PCDHA8: variants seen among roughly 807,000 people sequenced by gnomAD.
PCDHA8 encodes the protein protocadherin alpha 8, also known as protocadherin alpha-8.
In PCDHA8, 53 loss-of-function variants were observed where a neutral mutation model predicts 61.8. The observed-to-expected ratio is 0.86, with a 90% CI of 0.69 to 1.08. The LOEUF (loss-of-function observed/expected upper bound fraction) is 1.08. Among genes scored for constraint, PCDHA8 ranks in the 50% least tolerant of loss-of-function variants. The probability of loss-of-function intolerance (pLI) is 0.00; values close to 1 mark genes in which losing one functional copy is unlikely to be tolerated. For synonymous variants in PCDHA8, 618 were observed against 556.6 expected (o/e 1.11, Z -1.55); for missense variants, 1,293 against 1,245.0 (o/e 1.04, Z -0.58).
intron 1 of PCDHA8, chr5:140,926,866 G>C: frequency 6.6e-7 from 1 of 1,524,204 alleles, no homozygotes; most frequent in Non-Finnish European, 8.8e-7. Flanking sequence ...GTAGCGTGTT[G>C]GTGGAACGTG....
At chr5:140,978,799 A>C (rs2096824173) in intron 1 of PCDHA8, 150 bp from the exon 2 acceptor site, 2 of 1,479,066 alleles carry the variant, frequency 1.4e-6, no homozygotes, top group East Asian at 4.9e-5. Flanking sequence ...ATATATGTAG[A>C]TATCATCATA....
At chr5:140,950,127 GAC>G (rs1554219301) in intron 1 of PCDHA8, among the ~76,000 whole-genome samples, 2 of 151,794 alleles carry the variant, frequency 1.3e-5, no homozygotes, top group Non-Finnish European at 2.9e-5. Context: ...AAACCCACAA[GAC>G]ACAGTTATAA....
intron 1 of PCDHA8, among the ~76,000 whole-genome samples, chr5:140,952,538 T>C (rs558395294): frequency 6.6e-6 from 1 of 152,256 alleles, no homozygotes; most frequent in South Asian, 2.1e-4. Flanking sequence ...AGACTGGACT[T>C]CTTTGTCCAT....
intron 1 of PCDHA8, among the ~76,000 whole-genome samples, chr5:140,874,852 A>C (rs2153316930): frequency 6.6e-6 from 1 of 152,334 alleles, no homozygotes; most frequent in African/African-American, 2.4e-5. Context: ...GACATATTTT[A>C]GTTTCTTATC....
chr5:140,946,611 A>AATATATATATAT lies in PCDHA8; in HGVS notation c.2395-32328_2395-32317dup, dbSNP rs1554217734. 3.4e-3 allele frequency among the ~76,000 whole-genome samples: 291 copies of AATATATATATAT among 86,770 alleles called. 7 individuals carry two copies. The highest frequency in any genetic ancestry group is 4.0e-3 in the Non-Finnish European group (186 of 46,640). 56.9% of individuals were successfully genotyped at this position (86,770 alleles called of 152,430 possible). A position where few individuals can be genotyped will look rare whatever the true frequency, so the allele number is the denominator to read the frequency against. On this transcript the variant is annotated intron_variant, in intron 1 of 3. Coordinates refer to ENST00000531613, the MANE Select transcript of PCDHA8 (RefSeq NM_018911.3). ...GGATGAATAGATAAAGAAAATGTGA[A>AATATATATATAT]ATATATATATATATATATATACAAT...
At chr5:140,967,086 G>C in intron 1 of PCDHA8, 3 of 1,613,210 alleles carry the variant, frequency 1.9e-6, no homozygotes, top group Non-Finnish European at 2.5e-6. Context: ...CGCATTGATC[G>C]GGAGGCGCTG....
Position 140,842,580 on chromosome 5 carries a change from C to T in PCDHA8, c.1259C>T (p.Ala420Val), listed in dbSNP as rs1778108515. The change falls in exon 1 of 4, where the codon GCC becomes GTC. Residue 420 changes from alanine to valine, a missense_variant. Coordinates refer to ENST00000531613, the MANE Select transcript of PCDHA8 (RefSeq NM_018911.3). Reference protein sequence around the residue: ...DSALDRERVSAYELVVTARDG... With the variant: ...DSALDRERVSVYELVVTARDG... ...GCCCTGGACCGCGAGAGAGTGTCGG[C>T]CTATGAGTTGGTGGTAACCGCGCGG... The T allele has an allele frequency of 1.3e-6, 2 of 1,517,648 alleles. No homozygotes were observed. Among genetic ancestry groups the T allele is most frequent in the African/African-American group, 2.9e-5 (2 of 68,354 alleles). 94.0% of individuals were successfully genotyped at this position (1,517,648 alleles called of 1,614,324 possible).
At chr5:140,961,617 C>A (rs781986571) in intron 1 of PCDHA8, among the ~76,000 whole-genome samples, 47 of 152,204 alleles carry the variant, frequency 3.1e-4, no homozygotes, top group Middle Eastern at 3.4e-3. Context: ...AACTAAAGTG[C>A]CCATATGAAA....
At chr5:140,907,915 C>T (rs1554193177) in intron 1 of PCDHA8, among the ~76,000 whole-genome samples, 1 of 152,234 alleles carries the variant, frequency 6.6e-6, no homozygotes, top group Admixed American at 6.5e-5. Context: ...TTTGACCACT[C>T]AGAGAGGTCC....
chr5:140,848,527 G>A (rs1379026024), intron 1 of PCDHA8: 2 of 1,594,382 alleles, frequency 1.3e-6, no homozygotes, highest in Admixed American at 1.7e-5. Context: ...GATCCAGAGG[G>A]TCAGCCTCTA....
chr5:140,869,373 C>T (rs782224697), intron 1 of PCDHA8: 5 of 1,613,984 alleles, frequency 3.1e-6, no homozygotes, highest in African/African-American at 2.7e-5. Flanking sequence ...ATTCTCGGAT[C>T]GACCGCGAGG....
At chr5:140,921,992 C>T (rs963694302) in intron 1 of PCDHA8, among the ~76,000 whole-genome samples, 1 of 151,726 alleles carries the variant, frequency 6.6e-6, no homozygotes, top group East Asian at 1.9e-4. Context: ...AAAAAGAGTT[C>T]AATGAAATGA....
chr5:140,965,260 G>A (rs1188138728), intron 1 of PCDHA8, among the ~76,000 whole-genome samples: 1 of 152,202 alleles, frequency 6.6e-6, no homozygotes, highest in Non-Finnish European at 1.5e-5. Context: ...GAACTGAGCA[G>A]CAGAGGCAAT....
At chr5:140,903,313 C>G (rs974760383) in intron 1 of PCDHA8, among the ~76,000 whole-genome samples, 2 of 152,088 alleles carry the variant, frequency 1.3e-5, no homozygotes, top group South Asian at 4.1e-4. Context: ...ACAATAAAGA[C>G]AGCATTTTTA....
At chr5:140,870,369 G>A (rs375892305) in intron 1 of PCDHA8, 117 of 1,614,088 alleles carry the variant, frequency 7.2e-5, no homozygotes, top group Admixed American at 2.3e-4. Context: ...CCTATGAACT[G>A]GTGGTGACTG....
intron 1 of PCDHA8, chr5:140,967,277 A>G: frequency 6.2e-7 from 1 of 1,613,326 alleles, no homozygotes; most frequent in African/African-American, 1.3e-5. Context: ...TCACATAGAG[A>G]GTGCGCAGGA....
intron 1 of PCDHA8, among the ~76,000 whole-genome samples, chr5:140,872,278 AAAGTT>A (rs2053578296): frequency 6.6e-6 from 1 of 152,138 alleles, no homozygotes; most frequent in Non-Finnish European, 1.5e-5. Context: ...TTTGAAGAAA[AAAGTT>A]AAGCCTTGCA....
At chr5:140,973,325 A>G (rs180770098) in intron 1 of PCDHA8, among the ~76,000 whole-genome samples, 71 of 152,216 alleles carry the variant, frequency 4.7e-4, no homozygotes, top group African/African-American at 1.7e-3. Context: ...CAGAGTTTAC[A>G]CTCGTTGTAA....
At chr5:140,981,077 G>C (rs1178580802) in intron 2 of PCDHA8, among the ~76,000 whole-genome samples, 1 of 152,168 alleles carries the variant, frequency 6.6e-6, no homozygotes, top group Non-Finnish European at 1.5e-5. Flanking sequence ...GGGAAGAATA[G>C]TAAAAGGTCA....
Sources: allele counts gnomAD v4.1 joint callset (sites outside exome capture counted in the v4.1 genomes callset), GRCh38; gene constraint gnomAD v4.1.1; transcripts MANE v1.5; gene names NCBI Gene and HGNC (gene_info 2026-07-23, HGNC 2026-07-21).